The following TPRG1 variants were observed in gnomAD, a reference collection of about 807,000 sequenced individuals.
TPRG1 encodes the protein tumor protein p63 regulated 1, also known as tumor protein p63-regulated gene 1 protein.
Under a neutral mutation model 29.3 loss-of-function variants are expected in TPRG1, and 29 were observed. The observed-to-expected ratio is 0.99, with a 90% CI of 0.74 to 1.35. The LOEUF (loss-of-function observed/expected upper bound fraction) is 1.35. TPRG1 is among the 40% of genes most tolerant of loss of function. The pLI, the probability that TPRG1 is intolerant of heterozygous loss-of-function variation, is 0.00. For synonymous variants in TPRG1, 130 were observed against 116.8 expected (o/e 1.11, Z -0.73); for missense variants, 327 against 335.0 (o/e 0.98, Z 0.19).
At chr3:189,252,858 A>AT (rs531120687) in intron 4 of TPRG1, among the ~76,000 whole-genome samples, 2 of 152,108 alleles carry the variant, frequency 1.3e-5, no homozygotes, top group African/African-American at 2.4e-5. Flanking sequence ...CGACTCTCCC[A>AT]TTTTTTTATT....
chr3:189,167,122 A>G (rs775875146), upstream of TPRG1, among the ~76,000 whole-genome samples: 19 of 152,112 alleles, frequency 1.2e-4, no homozygotes, highest in African/African-American at 2.4e-4. Flanking sequence ...GTGAGATTCC[A>G]TCTAGCTCTT....
chr3:189,142,009 G>A (rs1724635056), intron 3 of TPRG1, among the ~76,000 whole-genome samples: 1 of 152,140 alleles, frequency 6.6e-6, no homozygotes, highest in Non-Finnish European at 1.5e-5. Context: ...ACCTGAAAGA[G>A]GGACCAAGTT....
chr3:189,097,736 T>C (rs987754786), upstream of TPRG1, among the ~76,000 whole-genome samples: 1 of 152,246 alleles, frequency 6.6e-6, no homozygotes, highest in Non-Finnish European at 1.5e-5. Context: ...TTTTACCTGC[T>C]GTTGTTTTTG....
At chr3:189,222,404 G>C (rs1462744265) in intron 3 of TPRG1, among the ~76,000 whole-genome samples, 1 of 152,130 alleles carries the variant, frequency 6.6e-6, no homozygotes, top group Admixed American at 6.5e-5. Context: ...AATGATAAAA[G>C]TACTATGGAA....
intron 1 of TPRG1, among the ~76,000 whole-genome samples, chr3:189,120,959 T>C (rs1015280990): frequency 6.6e-6 from 1 of 152,146 alleles, no homozygotes; most frequent in Admixed American, 6.5e-5. Context: ...TTTTATTCAA[T>C]TAAAATTAAG....
At chr3:189,163,130 G>C (rs1327158023) in intron 5 of TPRG1, among the ~76,000 whole-genome samples, 1 of 152,018 alleles carries the variant, frequency 6.6e-6, no homozygotes, top group African/African-American at 2.4e-5. Context: ...AAAATTAGCT[G>C]GGCACGGTGC....
chr3:189,031,760 A>G (rs995318373), intron 4 of TPRG1, among the ~76,000 whole-genome samples: 2 of 152,184 alleles, frequency 1.3e-5, no homozygotes, highest in Non-Finnish European at 2.9e-5. Context: ...GGCAACCTTT[A>G]TTTGGGAAGT....
intron 1 of TPRG1, among the ~76,000 whole-genome samples, chr3:189,205,430 A>G (rs1053498176): frequency 2.0e-5 from 3 of 152,168 alleles, no homozygotes; most frequent in African/African-American, 7.2e-5. Context: ...TGTCAATAGC[A>G]CCCTTTTCAT....
chr3:189,316,074 C>G (rs914373908), intron 5 of TPRG1, among the ~76,000 whole-genome samples: 16 of 152,084 alleles, frequency 1.1e-4, no homozygotes, highest in African/African-American at 3.6e-4. Flanking sequence ...CCGATAAAGA[C>G]TAATTCAGTT....
chr3:189,134,327 T>A (rs1476316794), intron 3 of TPRG1, among the ~76,000 whole-genome samples: 2 of 151,820 alleles, frequency 1.3e-5, no homozygotes, highest in Non-Finnish European at 2.9e-5. Flanking sequence ...TATCCATTAC[T>A]AACGTTATCT....
chr3:189,289,978 T>A (rs1718726986), intron 4 of TPRG1, among the ~76,000 whole-genome samples: 1 of 152,256 alleles, frequency 6.6e-6, no homozygotes, highest in Non-Finnish European at 1.5e-5. Context: ...ATATTGCTTT[T>A]ATGTTAAAAT....
At chr3:189,172,396 T>C (rs1035615839) in intron 1 of TPRG1, among the ~76,000 whole-genome samples, 1 of 152,180 alleles carries the variant, frequency 6.6e-6, no homozygotes, top group African/African-American at 2.4e-5. Context: ...TTAACTGCCC[T>C]ATAGTGCAGT....
intron 4 of TPRG1, chr3:189,267,617 T>C (rs1714340360): frequency 6.6e-6 from 1 of 151,966 alleles, no homozygotes; most frequent in Admixed American, 6.6e-5. Context: ...AAGAATGATA[T>C]GAAAGTGTGA....
intron 1 of TPRG1, among the ~76,000 whole-genome samples, chr3:189,190,391 A>T (rs752325060): frequency 6.6e-6 from 1 of 152,108 alleles, no homozygotes; most frequent in African/African-American, 2.4e-5. Flanking sequence ...TTCTGGGAAG[A>T]ATTGACACAT....
chr3:189,290,795 G>T (rs931069582), intron 4 of TPRG1, among the ~76,000 whole-genome samples: 2 of 152,218 alleles, frequency 1.3e-5, no homozygotes, highest in African/African-American at 4.8e-5. Context: ...AAGTGCTGAT[G>T]TTGGGGAGTT....
chr3:189,153,874 T>C (rs115090593), intron 5 of TPRG1, among the ~76,000 whole-genome samples: 2,867 of 152,272 alleles, frequency 0.019, 89 homozygotes, highest in African/African-American at 0.066. Flanking sequence ...CTTAGAGGAC[T>C]AAGAGGACCA....
At chr3:189,157,623 A>G (rs1726866277) in intron 5 of TPRG1, among the ~76,000 whole-genome samples, 1 of 152,212 alleles carries the variant, frequency 6.6e-6, no homozygotes, top group Non-Finnish European at 1.5e-5. Context: ...AAAGCAAAGA[A>G]GGAAGCGATT....
chr3:189,272,682 CCTT>C (rs1326776032), intron 4 of TPRG1, among the ~76,000 whole-genome samples: 2 of 140,120 alleles, frequency 1.4e-5, no homozygotes, highest in Non-Finnish European at 3.0e-5. Flanking sequence ...TCCTTTCTTT[CCTT>C]TCTTTCTTTC....
At chr3:189,077,567 A>G (rs1717266263) in intron 4 of TPRG1, among the ~76,000 whole-genome samples, 1 of 152,182 alleles carries the variant, frequency 6.6e-6, no homozygotes, top group African/African-American at 2.4e-5. Flanking sequence ...ATGATTATAT[A>G]GGTGTACAAA....
Sources: allele counts gnomAD v4.1 joint callset (sites outside exome capture counted in the v4.1 genomes callset), GRCh38; gene constraint gnomAD v4.1.1; transcripts MANE v1.5; gene names NCBI Gene and HGNC (gene_info 2026-07-23, HGNC 2026-07-21).